The following SLC35A2 variants were observed in gnomAD, a reference collection of about 807,000 sequenced individuals.
SLC35A2 encodes the protein UDP-galactose translocator.
In SLC35A2, 1 loss-of-function variant was observed where a neutral mutation model predicts 17.3. The ratio of observed to expected loss-of-function variants is 0.06; its 90% CI spans 0.02 to 0.27. The LOEUF (loss-of-function observed/expected upper bound fraction) is 0.27, where lower values mean the gene tolerates loss of function less well. Among genes scored for constraint, SLC35A2 ranks in the 10% least tolerant of loss-of-function variants. The pLI is 1.00. For synonymous variants in SLC35A2, 161 were observed against 161.3 expected, an observed-to-expected ratio of 1.00 and a Z score of 0.01; for missense variants, 191 against 339.3, an observed-to-expected ratio of 0.56 and a Z score of 3.43.
Position 48,911,580 on chromosome X carries a change from G to T in SLC35A2, c.57C>A (p.Ser19=). The T allele has an allele frequency of 1.7e-6, 2 of 1,165,607 alleles. No individual in the cohort carries two copies. The highest frequency in any genetic ancestry group is 2.3e-6 in the Non-Finnish European group (2 of 875,495). ...STAAPGPGAV[S]AGALEPGTAS... is the part of the protein sequence containing the mutation. ...CGGTCCCCGGCTCCAATGCACCCGC[G>T]GAAACCGCCCCTGGCCCGGGCGCCG... Residue 19 remains serine, a synonymous_variant, in exon 1 of 5, where the codon TCC becomes TCA. Coordinates refer to ENST00000247138, the MANE Select transcript of SLC35A2 (RefSeq NM_005660.3).
intron 3 of SLC35A2, 128 bp from the exon 4 acceptor site, chrX:48,905,610 C>T: frequency 1.7e-6 from 1 of 597,259 alleles, no homozygotes; most frequent in Non-Finnish European, 2.5e-6. Flanking sequence ...ACAGCAAAAA[C>T]AGCAAAAGGA....
rs782476110 is a variant in SLC35A2 at position 48,906,473 on chromosome X, G to A, written c.345C>T (p.Leu115=). 2.2e-5 allele frequency: 27 copies of A among 1,206,583 alleles called. No individual in the cohort carries two copies. In the East Asian group the frequency reaches 2.7e-4, roughly 12 times the overall value. ...AGGTGTAGATGAGAGAGGGCACTGC[G>A]AGCTTGAGCGTGTCCACATACTGCA... is the stretch of plus-strand genomic sequence containing the variant. The part of the protein sequence containing the change: ...VLVQYVDTLK[L]AVPSLIYTLQ... Residue 115 remains leucine, a synonymous_variant, in exon 3 of 5, where the codon CTC becomes CTT. Transcript: ENST00000247138.
chrX:48,903,431 C>G lies in SLC35A2; in HGVS notation c.*7G>C. 1 of 574,180 alleles carries G rather than the reference C, an allele frequency of 1.7e-6. No individual in the cohort carries two copies. Among genetic ancestry groups the G allele is most frequent in the Non-Finnish European group, 3.2e-6 (1 of 312,999 alleles). 47.3% of individuals were successfully genotyped at this position (574,180 alleles called of 1,213,427 possible). A position where few individuals can be genotyped will look rare whatever the true frequency, so the allele number is the denominator to read the frequency against. On this transcript the variant is annotated 3_prime_UTR_variant, in exon 5 of 5. Transcript: ENST00000247138. ...CGAGGCCAGGCCAATGTCTTCAATC[C>G]CAGCGGCTAGGAACCCTTCACCTTG...
intron 4 of SLC35A2, chrX:48,904,355 GGA>G: frequency 9.4e-7 from 1 of 1,067,048 alleles, no homozygotes; most frequent in Non-Finnish European, 1.2e-6. Flanking sequence ...TTATGGAGGT[GGA>G]GGGACTGCTG....
chrX:48,904,972 T>G lies in SLC35A2; in HGVS notation c.937A>C (p.Ile313Leu). The change falls in exon 4 of 5, where the codon ATT becomes CTT. Residue 313 changes from isoleucine (I) to leucine (L), a missense_variant. Physicochemically the swap from Ile to Leu is conservative, Grantham distance 5. Transcript: ENST00000247138. ...TCCACGTGGAAGCCAAAGAGGCGAA[T>G]GGAGGCAACAGTGGACAGCACAATG... ...LSIVLSTVAS[I>L]RLFGFHVDPL... The G allele has an allele frequency of 8.3e-7, 1 of 1,211,124 alleles. No individual in the cohort carries two copies. The highest frequency in any genetic ancestry group is 1.1e-6 in the Non-Finnish European group (1 of 895,160).
intron 1 of SLC35A2, chrX:48,910,305 G>A (rs2063523368): frequency 2.6e-6 from 3 of 1,133,648 alleles, no homozygotes; most frequent in Non-Finnish European, 1.2e-6. Context: ...TTCCTCCCAA[G>A]TGAGAAGCAA....
At chrX:48,906,689 GT>G (rs1351949059) in intron 2 of SLC35A2, 146 bp from the exon 3 acceptor site, 1 of 519,368 alleles carries the variant, frequency 1.9e-6, no homozygotes, top group African/African-American at 2.4e-5. Flanking sequence ...TGTGATCTTG[GT>G]TTTCCCTAGA....
In SLC35A2 at chrX:48,904,765, T is replaced by G. The variant is rs1266484275; in HGVS notation, c.1144A>C (p.Thr382Pro). ...QLSSHRGDLI[T>P]EPFLPKLLTK... ...ACTGACTTTGGCAGAAAGGGCTCCG[T>G]GATGAGGTCTCCACGGTGGGAAGAC... Residue 382 changes from threonine to proline, a missense_variant, in exon 4 of 5, where the codon ACG becomes CCG. Coordinates refer to ENST00000247138, the MANE Select transcript of SLC35A2 (RefSeq NM_005660.3). 8.3e-7 allele frequency: 1 copy of G among 1,211,176 alleles called. No individual in the cohort carries two copies.
chrX:48,905,017 C>A lies in SLC35A2; in HGVS notation c.892G>T (p.Gly298Cys). ...ACAATGGACAGGGAGGTGGCAAAGCCCTTGAGGATATTGTCAGCGTACTTG... is the reference window on the plus strand; with the variant it reads ...ACAATGGACAGGGAGGTGGCAAAGCACTTGAGGATATTGTCAGCGTACTTG... Reference protein sequence around the residue: ...VVKYADNILKGFATSLSIVLS... With the variant: ...VVKYADNILKCFATSLSIVLS... The change falls in exon 4 of 5, where the codon GGC becomes TGC. Residue 298 changes from glycine to cysteine, a missense_variant. Transcript: ENST00000247138. 8.3e-7 allele frequency: 1 copy of A among 1,211,151 alleles called. No homozygotes were observed. Among genetic ancestry groups the A allele is most frequent in the Non-Finnish European group, 1.1e-6 (1 of 895,071 alleles).
chrX:48,910,729 AC>A (rs1557043893), intron 1 of SLC35A2, among the ~76,000 whole-genome samples: 1 of 110,609 alleles, frequency 9.0e-6, no homozygotes, highest in Non-Finnish European at 1.9e-5. Flanking sequence ...TTCCTCTCGA[AC>A]CAGAATAGTC....
chrX:48,911,714 T>C (rs1160984757), upstream of SLC35A2: 18 of 1,153,104 alleles, frequency 1.6e-5, no homozygotes, highest in Admixed American at 5.3e-5. Flanking sequence ...CCGGGCCACC[T>C]GAGTGAAGGT....
upstream of SLC35A2, chrX:48,911,934 C>A (rs1727784951): frequency 2.6e-6 from 3 of 1,167,313 alleles, no homozygotes; most frequent in East Asian, 6.5e-5. Flanking sequence ...CTTCACTGAT[C>A]GCGCTTTCCA....
intron 4 of SLC35A2, chrX:48,904,348 T>C (rs1226253411): frequency 4.2e-5 from 44 of 1,059,508 alleles, no homozygotes; most frequent in Non-Finnish European, 4.8e-5. Context: ...TGTGTCCTTA[T>C]GGAGGTGGAG....
At chrX:48,911,754 G>A, upstream of SLC35A2, 2 of 1,161,780 alleles carry the variant, frequency 1.7e-6, no homozygotes, top group Non-Finnish European at 2.3e-6. Flanking sequence ...TCAGGGTGGT[G>A]GCTTTTCTCC....
chrX:48,904,440 C>T, intron 4 of SLC35A2: 13 of 1,092,446 alleles, frequency 1.2e-5, no homozygotes, highest in Non-Finnish European at 1.5e-5. Context: ...AAAAAAAAGG[C>T]CTTGAATGAC....
intron 2 of SLC35A2, 64 bp downstream of exon 2, chrX:48,909,748 AAC>A: frequency 3.1e-5 from 30 of 961,536 alleles, no homozygotes; most frequent in Non-Finnish European, 3.9e-5. Flanking sequence ...CATCTGTGTG[AAC>A]ACACACACAT....
At chrX:48,906,268 T>A in intron 3 of SLC35A2, 124 bp downstream of exon 3, 1 of 643,766 alleles carries the variant, frequency 1.6e-6, no homozygotes, top group Admixed American at 2.7e-5. Context: ...TTGAAGGAGT[T>A]CCAAGGACAT....
In SLC35A2 at chrX:48,905,439, A is replaced by G; in HGVS notation, c.470T>C (p.Val157Ala). The G allele has an allele frequency of 8.5e-7, 1 of 1,175,214 alleles. No homozygotes were observed. The highest frequency in any genetic ancestry group is 1.1e-6 in the Non-Finnish European group (1 of 881,324). ...LKILTTALFS[V>A]LMLNRSLSRL... is the part of the protein sequence containing the mutation. ...GGAAAGGCTGCGATTCAGCATGAGC[A>G]CGGAGAACAGCGCTGTGGTCAGGAT... Residue 157 changes from valine (V) to alanine (A), a missense_variant, in exon 4 of 5, where the codon GTG (valine) becomes GCG (alanine). By Grantham distance (64) the Val-to-Ala change is moderately conservative. Around this residue, in one of 2 missense-constraint regions of SLC35A2, gnomAD observed 164 missense variants for 315.3 expected, o/e 0.52. Transcript: ENST00000247138.
chrX:48,909,994 G>C lies in SLC35A2; in HGVS notation c.94C>G (p.His32Asp). 1 of 1,206,535 alleles carries C rather than the reference G, an allele frequency of 8.3e-7. No individual in the cohort carries two copies. Among genetic ancestry groups the C allele is most frequent in the Non-Finnish European group, 1.1e-6 (1 of 892,539 alleles). ...AGGGATATGTACTTCAGGCGCCTGT[G>C]AGCTGTGGGGAACGGAAGGGGCAAG... ...ALEPGTASAA[H>D]RRLKYISLAV... is the part of the protein sequence containing the mutation. Residue 32 changes from histidine (H) to aspartate (D), a missense_variant and splice_region_variant, in exon 2 of 5, where the codon CAC becomes GAC. Physicochemically the swap from His to Asp is moderately conservative, Grantham distance 81. Around this residue, in one of 2 missense-constraint regions of SLC35A2, gnomAD observed 164 missense variants for 315.3 expected, o/e 0.52. Transcript: ENST00000247138.
Sources: allele counts gnomAD v4.1 joint callset (sites outside exome capture counted in the v4.1 genomes callset), GRCh38; gene constraint gnomAD v4.1.1; regional missense constraint gnomAD v4.1.1; transcripts MANE v1.5; gene names NCBI Gene and HGNC (gene_info 2026-07-23, HGNC 2026-07-21).